Variants in OVOL2 observed in about 807,000 individuals in gnomAD.
OVOL2 encodes the protein transcription factor Ovo-like 2.
A neutral mutation model predicts 18.1 loss-of-function variants in OVOL2; 13 were observed. The observed-to-expected ratio is 0.72, with a 90% confidence interval of 0.47 to 1.14. The LOEUF (loss-of-function observed/expected upper bound fraction) is 1.14, where lower values mean the gene tolerates loss of function less well. Ranked by LOEUF, OVOL2 falls within the 50% of genes most tolerant of loss-of-function variation. OVOL2 has a pLI of 0.00. For missense variants in OVOL2, 335 were observed against 383.0 expected, an observed-to-expected ratio of 0.87 and a Z score of 1.05; for synonymous variants, 166 against 162.7, an observed-to-expected ratio of 1.02 and a Z score of -0.16.
Position 18,024,717 on chromosome 20 carries a change from T to G in OVOL2, c.747A>C (p.Lys249Asn). The G allele has an allele frequency of 2.5e-6, 4 of 1,614,110 alleles. No homozygotes were observed. The highest frequency in any genetic ancestry group is 3.4e-6 in the Non-Finnish European group (4 of 1,180,012). ...GCTTGCCCTGCAGAAGGGCTGCCAG[T>G]TTTTTAGATGTCTTTTTGAGAAACG... is the stretch of plus-strand genomic sequence containing the variant. The part of the protein sequence containing the change: ...GSSFLKKTSK[K>N]LAALLQGKLT... Residue 249 changes from lysine to asparagine, a missense_variant, in exon 4 of 4, where the codon AAA becomes AAC. Coordinates refer to ENST00000278780, the MANE Select transcript of OVOL2 (RefSeq NM_021220.4).
At chr20:18,039,584 G>T (rs1450108127) in intron 3 of OVOL2, among the ~76,000 whole-genome samples, 2 of 143,154 alleles carry the variant, frequency 1.4e-5, no homozygotes, top group East Asian at 4.0e-4. Flanking sequence ...CTCCAGCCTG[G>T]GTGAGAGAGC....
chr20:18,057,017 G>T lies in OVOL2; in HGVS notation c.101-140C>A. On this transcript the variant is annotated intron_variant, in intron 1 of 3. Coordinates refer to ENST00000278780, the MANE Select transcript of OVOL2 (RefSeq NM_021220.4). This position sits in a 1 kb window ranked among gnomAD's most constrained non-coding sequence, Gnocchi z 6.3. The stretch of plus-strand genomic sequence containing the variant: ...GCCAAGTGGGCAACGTCGCGGGGGA[G>T]GCCAGTAAGCCCCGAATCGGCCCAC... 1 of 987,938 alleles carries T rather than the reference G, an allele frequency of 1.0e-6. No homozygotes were observed. Among genetic ancestry groups the T allele is most frequent in the Non-Finnish European group, 1.4e-6 (1 of 727,552 alleles). 61.2% of individuals were successfully genotyped at this position (987,938 alleles called of 1,614,324 possible). A position where few individuals can be genotyped will look rare whatever the true frequency, so the allele number is the denominator to read the frequency against.
upstream of OVOL2, among the ~76,000 whole-genome samples, chr20:18,058,186 T>C (rs1378357948): frequency 6.6e-6 from 1 of 150,972 alleles, no homozygotes; most frequent in African/African-American, 2.4e-5. Flanking sequence ...CTCCGGTGAG[T>C]TGGGGCCTCC....
At chr20:18,034,958 C>A (rs2036602604) in intron 3 of OVOL2, among the ~76,000 whole-genome samples, 1 of 152,186 alleles carries the variant, frequency 6.6e-6, no homozygotes, top group Non-Finnish European at 1.5e-5. Context: ...AATTCTCCAA[C>A]AAAGGGTCCT....
At chr20:18,042,424 TC>T (rs755272078) in intron 2 of OVOL2, among the ~76,000 whole-genome samples, 34 of 151,946 alleles carry the variant, frequency 2.2e-4, no homozygotes, top group African/African-American at 8.2e-4. Context: ...CCTGGTGCCG[TC>T]CCCGTAGTAA....
At chr20:18,045,802 G>A (rs1171929361) in intron 2 of OVOL2, among the ~76,000 whole-genome samples, 1 of 152,138 alleles carries the variant, frequency 6.6e-6, no homozygotes, top group Non-Finnish European at 1.5e-5. Flanking sequence ...AAACAGGGGA[G>A]AAAATGGGAG....
At chr20:18,028,268 C>T (rs2036537640) in intron 3 of OVOL2, among the ~76,000 whole-genome samples, 1 of 152,000 alleles carries the variant, frequency 6.6e-6, no homozygotes, top group African/African-American at 2.4e-5. Context: ...CCTCCGCTTC[C>T]CTAGTTCAAG....
At chr20:18,053,202 T>G (rs1455879211) in intron 2 of OVOL2, among the ~76,000 whole-genome samples, 3 of 152,222 alleles carry the variant, frequency 2.0e-5, no homozygotes, top group African/African-American at 7.2e-5. Context: ...AACAAAATGT[T>G]GGGCATTAAA....
chr20:18,027,469 AG>A (rs1401302289), intron 3 of OVOL2, among the ~76,000 whole-genome samples: 1 of 151,604 alleles, frequency 6.6e-6, no homozygotes, highest in East Asian at 2.0e-4. Flanking sequence ...CAGAAGTTGC[AG>A]TGAGTCGAGA....
chr20:18,035,191 C>T (rs2036604882), intron 3 of OVOL2, among the ~76,000 whole-genome samples: 1 of 152,194 alleles, frequency 6.6e-6, no homozygotes, highest in Admixed American at 6.5e-5. Flanking sequence ...TGGCTCACGC[C>T]TGTAATCCTG....
At chr20:18,034,969 C>G (rs6045154) in intron 3 of OVOL2, among the ~76,000 whole-genome samples, 47,178 of 152,022 alleles carry the variant, frequency 0.31, 7,682 homozygotes, top group Non-Finnish European at 0.38. Flanking sequence ...AAAGGGTCCT[C>G]GGCCCTGGGT....
chr20:18,055,477 C>A (rs1256072368), intron 2 of OVOL2, among the ~76,000 whole-genome samples: 2 of 152,206 alleles, frequency 1.3e-5, no homozygotes, highest in Non-Finnish European at 2.9e-5. Flanking sequence ...TCACACTTAC[C>A]GCTAAGCTGC....
chr20:18,042,775 CAAAA>C (rs141784334), intron 2 of OVOL2, among the ~76,000 whole-genome samples: 24 of 93,542 alleles, frequency 2.6e-4, no homozygotes, highest in South Asian at 4.1e-4. Context: ...AACTCCGTCT[CAAAA>C]AAAAAAAAAA....
At chr20:18,028,225 G>A (rs1166018368) in intron 3 of OVOL2, among the ~76,000 whole-genome samples, 1 of 151,940 alleles carries the variant, frequency 6.6e-6, no homozygotes, top group African/African-American at 2.4e-5. Context: ...CACTCAGGCT[G>A]AAGTGCAGTG....
chr20:18,028,283 T>C (rs2036537738), intron 3 of OVOL2, among the ~76,000 whole-genome samples: 1 of 151,760 alleles, frequency 6.6e-6, no homozygotes, highest in South Asian at 2.1e-4. Context: ...TTCAAGCAAT[T>C]CTCCTGCCTC....
intron 3 of OVOL2, among the ~76,000 whole-genome samples, chr20:18,034,395 T>C (rs1301750662): frequency 1.3e-5 from 2 of 152,182 alleles, no homozygotes; most frequent in Admixed American, 6.5e-5. Context: ...GAGGCTGCAC[T>C]CCAGCTAACA....
In OVOL2 at chr20:18,056,778, C is replaced by A; in HGVS notation, c.200G>T (p.Gly67Val). 6.6e-7 allele frequency: 1 copy of A among 1,506,266 alleles called. No individual in the cohort carries two copies. The highest frequency in any genetic ancestry group is 8.8e-7 in the Non-Finnish European group (1 of 1,135,178). The allele number at this position is 1,506,266 out of a possible 1,614,324, so 93.3% of individuals were successfully genotyped here. The change falls in exon 2 of 4, where the codon GGA (glycine) becomes GTA (valine). Residue 67 changes from glycine to valine, a missense_variant. Gly to Val is a moderately radical substitution (Grantham distance 109, BLOSUM62 -3). Transcript: ENST00000278780. This position sits in a 1 kb window ranked among gnomAD's most constrained non-coding sequence, Gnocchi z 4.2. Reference protein sequence around the residue: ...SGSSSAGEPGGAESSSSPHAP... With the variant: ...SGSSSAGEPGVAESSSSPHAP... ...GTGCGGGGACGAGCTGCTCTCTGCT[C>A]CTCCAGGCTCCCCCGCGCTGCTGCT...
intron 2 of OVOL2, among the ~76,000 whole-genome samples, chr20:18,052,789 C>T (rs2036782024): frequency 6.6e-6 from 1 of 152,196 alleles, no homozygotes; most frequent in Non-Finnish European, 1.5e-5. Flanking sequence ...ACTTGGTACT[C>T]CATACTTGGA....
In OVOL2 at chr20:18,039,895, G is replaced by A. The variant is rs77775073; in HGVS notation, c.511+1639C>T. On this transcript the variant is annotated intron_variant, in intron 3 of 3. Coordinates refer to ENST00000278780, the MANE Select transcript of OVOL2 (RefSeq NM_021220.4). ...CCTTCCCTACCAAAATACCAAGGAC[G>A]GAAAGGGCTCGGGGACTATAGATAG... Among the ~76,000 whole-genome samples the A allele has an allele frequency of 1.2e-4, 19 of 152,238 alleles. No individual in the cohort carries two copies. The East Asian group carries it at 3.3e-3, about 26-fold the overall frequency.
Sources: allele counts gnomAD v4.1 joint callset (sites outside exome capture counted in the v4.1 genomes callset), GRCh38; gene constraint gnomAD v4.1.1; non-coding constraint Gnocchi (gnomAD v3.1); transcripts MANE v1.5; gene names NCBI Gene and HGNC (gene_info 2026-07-23, HGNC 2026-07-21).